The following STON2 variants were observed in gnomAD, a reference collection of about 807,000 sequenced individuals.
The protein encoded by STON2 is stonin 2, also known as stonin-2.
Under a neutral mutation model 65.7 loss-of-function variants are expected in STON2, and 29 were observed. The ratio of observed to expected loss-of-function variants is 0.44; its 90% confidence interval spans 0.33 to 0.60. The LOEUF (loss-of-function observed/expected upper bound fraction) is 0.60. Among genes scored for constraint, STON2 ranks in the 20% least tolerant of loss-of-function variants. STON2 has a pLI of 0.03. For missense variants in STON2, 1,054 were observed against 1,118.1 expected (o/e 0.94, Z 0.82); for synonymous variants, 404 against 414.2 (o/e 0.98, Z 0.30).
rs1894283862 is a variant in STON2 at position 81,264,590 on chromosome 14, G to C, written c.*3824C>G. On this transcript the variant is annotated 3_prime_UTR_variant, in exon 8 of 8. Coordinates refer to ENST00000614646, the MANE Select transcript of STON2 (RefSeq NM_001394390.1). ...TGGATCCCATTTATCAGAAACATAA[G>C]TTTCTAGGGAAATAAACTCTTACTC... is the stretch of plus-strand genomic sequence containing the variant. The C allele has an allele frequency of 1.0e-6, 1 of 984,820 alleles. No homozygotes were observed. Among genetic ancestry groups the C allele is most frequent in the Admixed American group, 6.2e-5 (1 of 16,252 alleles). The allele number at this position is 984,820 out of a possible 1,614,324, so 61.0% of individuals were successfully genotyped here.
Position 81,264,117 on chromosome 14 carries a change from C to T in STON2, c.*4297G>A, listed in dbSNP as rs1412125814. On this transcript the variant is annotated 3_prime_UTR_variant, in exon 8 of 8. Coordinates refer to ENST00000614646, the MANE Select transcript of STON2 (RefSeq NM_001394390.1). Reference sequence around the variant, plus strand: ...CAGGCTCATGGATCTGTTTGACTTGCAGGAACAAAGCAATCAATCACCGTG... The same window carrying T: ...CAGGCTCATGGATCTGTTTGACTTGTAGGAACAAAGCAATCAATCACCGTG... 6 of 985,300 alleles carry T rather than the reference C, an allele frequency of 6.1e-6. No individual in the cohort carries two copies. The highest frequency in any genetic ancestry group is 2.4e-6 in the Non-Finnish European group (2 of 829,944). 61.0% of individuals were successfully genotyped at this position (985,300 alleles called of 1,614,324 possible).
chr14:81,398,172 T>G lies in STON2; in HGVS notation c.88+123A>C, dbSNP rs968111101. The G allele has an allele frequency of 2.0e-5, 13 of 643,080 alleles. No individual in the cohort carries two copies. The East Asian group carries it at 3.9e-4, about 19-fold the overall frequency. The allele number at this position is 643,080 out of a possible 1,614,324, so 39.8% of individuals were successfully genotyped here. On this transcript the variant is annotated intron_variant, in intron 2 of 7. Transcript: ENST00000614646. ...GATTCTAAGATCTCAAGAAAGAAAGTGAGAAACTGACCCTTTTTTCTATAT... is the reference window on the plus strand; with the variant it reads ...GATTCTAAGATCTCAAGAAAGAAAGGGAGAAACTGACCCTTTTTTCTATAT...
At chr14:81,343,844 T>C (rs1223672430) in intron 4 of STON2, among the ~76,000 whole-genome samples, 2 of 152,058 alleles carry the variant, frequency 1.3e-5, no homozygotes, top group Non-Finnish European at 2.9e-5. Context: ...ATTATTTCCA[T>C]TCTACAGCTG....
Position 81,263,084 on chromosome 14 carries a change from T to C in STON2, c.*5330A>G. ...AGTAAAGTGTGTGAGACAGTGCATT[T>C]ACCAAATGATATTTTTTTGTGGATT... On this transcript the variant is annotated 3_prime_UTR_variant, in exon 8 of 8. Coordinates refer to ENST00000614646, the MANE Select transcript of STON2 (RefSeq NM_001394390.1). The C allele has an allele frequency of 1.0e-6, 1 of 985,356 alleles. No individual in the cohort carries two copies. The highest frequency in any genetic ancestry group is 1.2e-6 in the Non-Finnish European group (1 of 829,856). 61.0% of individuals were successfully genotyped at this position (985,356 alleles called of 1,614,324 possible). A position where few individuals can be genotyped will look rare whatever the true frequency, so the allele number is the denominator to read the frequency against.
intron 1 of STON2, among the ~76,000 whole-genome samples, chr14:81,428,148 T>C (rs150358877): frequency 3.2e-4 from 48 of 152,328 alleles, no homozygotes; most frequent in African/African-American, 1.0e-3. Context: ...TAGCTATTGA[T>C]AGTGTTTTTG....
chr14:81,402,431 T>C (rs922048501), upstream of STON2, among the ~76,000 whole-genome samples: 3 of 152,166 alleles, frequency 2.0e-5, no homozygotes, highest in African/African-American at 7.2e-5. Context: ...CTCTCTAACC[T>C]ATTCTGGTGG....
In STON2 at chr14:81,268,373, A is replaced by G. The variant is rs1445497845; in HGVS notation, c.*41T>C. ...CTATCATGACTCAGGAAGACACCCT[A>G]TCATGACTCTGGGATCAGGATTCCT... On this transcript the variant is annotated 3_prime_UTR_variant, in exon 8 of 8. Transcript: ENST00000614646. 3 of 1,288,742 alleles carry G rather than the reference A, an allele frequency of 2.3e-6. No individual in the cohort carries two copies. The highest frequency in any genetic ancestry group is 5.5e-5 in the East Asian group (1 of 18,032). The allele number at this position is 1,288,742 out of a possible 1,614,324, so 79.8% of individuals were successfully genotyped here.
intron 6 of STON2, 99 bp from the exon 7 acceptor site, chr14:81,270,971 C>T (rs1266217809): frequency 3.4e-6 from 5 of 1,449,766 alleles, no homozygotes; most frequent in Admixed American, 2.6e-5. Flanking sequence ...CCTGTGGGCT[C>T]GGCACCCGGC....
intron 5 of STON2, among the ~76,000 whole-genome samples, chr14:81,303,057 GGGGT>G (rs751748941): frequency 0.023 from 1,169 of 51,766 alleles, 8 homozygotes; most frequent in Non-Finnish European, 0.054. Context: ...ACATGTGTGG[GGGGT>G]GTGTGTGTGT....
At chr14:81,433,260 TGAGA>T (rs778962659) in intron 1 of STON2, among the ~76,000 whole-genome samples, 1 of 152,200 alleles carries the variant, frequency 6.6e-6, no homozygotes, top group Non-Finnish European at 1.5e-5. Context: ...TAACAGATGG[TGAGA>T]GAGAGACTGC....
intron 5 of STON2, among the ~76,000 whole-genome samples, chr14:81,311,129 A>G (rs1463511696): frequency 6.6e-6 from 1 of 152,164 alleles, no homozygotes; most frequent in African/African-American, 2.4e-5. Context: ...CTTCTTGGAC[A>G]ATAGAGCTGA....
chr14:81,263,035 G>A lies in STON2; in HGVS notation c.*5379C>T, dbSNP rs997615756. ...ATGCCCTAATTTTATGTAAAGGGTC[G>A]TCATGGTTTGAATGGGACTTAGTAG... is the stretch of plus-strand genomic sequence containing the variant. On this transcript the variant is annotated 3_prime_UTR_variant, in exon 8 of 8. Transcript: ENST00000614646. 1.1e-5 allele frequency: 11 copies of A among 985,256 alleles called. No individual in the cohort carries two copies. Among genetic ancestry groups the A allele is most frequent in the East Asian group, 2.3e-4 (2 of 8,822 alleles). The allele number at this position is 985,256 out of a possible 1,614,324, so 61.0% of individuals were successfully genotyped here. A position where few individuals can be genotyped will look rare whatever the true frequency, so the allele number is the denominator to read the frequency against.
intron 5 of STON2, among the ~76,000 whole-genome samples, chr14:81,311,320 C>T (rs1896418440): frequency 6.6e-6 from 1 of 152,166 alleles, no homozygotes; most frequent in Non-Finnish European, 1.5e-5. Context: ...CTCTGCTCGC[C>T]TCTCTTCCTC....
intron 7 of STON2, chr14:81,268,706 C>T: frequency 2.2e-6 from 2 of 910,444 alleles, no homozygotes; most frequent in Non-Finnish European, 1.3e-6. Flanking sequence ...TTCCCTTTCC[C>T]TCATGGTCCA....
At chr14:81,316,070 CA>C (rs1343555296) in intron 5 of STON2, among the ~76,000 whole-genome samples, 1 of 152,176 alleles carries the variant, frequency 6.6e-6, no homozygotes, top group African/African-American at 2.4e-5. Context: ...ATGCCTCCTA[CA>C]AAACATTAGT....
chr14:81,348,669 C>A (rs542853648), intron 4 of STON2, among the ~76,000 whole-genome samples: 1 of 152,230 alleles, frequency 6.6e-6, no homozygotes, highest in East Asian at 1.9e-4. Context: ...AATGACCACA[C>A]TACCCAAAGC....
chr14:81,284,922 C>T (rs1017980099), intron 5 of STON2, among the ~76,000 whole-genome samples: 1 of 152,154 alleles, frequency 6.6e-6, no homozygotes, highest in Non-Finnish European at 1.5e-5. Flanking sequence ...GAACAAAGCC[C>T]GGATGACAAC....
At chr14:81,315,850 CAATAT>C (rs1595341979) in intron 5 of STON2, among the ~76,000 whole-genome samples, 1 of 152,266 alleles carries the variant, frequency 6.6e-6, no homozygotes, top group East Asian at 1.9e-4. Flanking sequence ...GCTCAAACAA[CAATAT>C]ATTATGTAGC....
chr14:81,385,627 A>C (rs184323397), intron 3 of STON2, among the ~76,000 whole-genome samples: 14 of 152,306 alleles, frequency 9.2e-5, no homozygotes, highest in Non-Finnish European at 1.8e-4. Context: ...GCCATCCTTC[A>C]AGTTCTACCT....
Sources: allele counts gnomAD v4.1 joint callset (sites outside exome capture counted in the v4.1 genomes callset), GRCh38; gene constraint gnomAD v4.1.1; transcripts MANE v1.5; gene names NCBI Gene and HGNC (gene_info 2026-07-23, HGNC 2026-07-21).